The following PSMD1 variants were observed in gnomAD, a reference collection of about 807,000 sequenced individuals.
PSMD1 encodes the protein 26S proteasome non-ATPase regulatory subunit 1.
Under a neutral mutation model 119.0 loss-of-function variants are expected in PSMD1, and 18 were observed. The ratio of observed to expected loss-of-function variants is 0.15; its 90% CI spans 0.10 to 0.22. The LOEUF is 0.22. Ranked by LOEUF, PSMD1 falls within the 10% of genes least tolerant of loss-of-function variation. The pLI, the probability that PSMD1 is intolerant of heterozygous loss-of-function variation, is 1.00. For missense variants in PSMD1, 702 were observed against 1,158.5 expected (o/e 0.61, Z 5.72); for synonymous variants, 374 against 396.6 (o/e 0.94, Z 0.68).
At chr2:231,115,636 A>T (rs1695304360) in intron 16 of PSMD1, among the ~76,000 whole-genome samples, 1 of 152,140 alleles carries the variant, frequency 6.6e-6, no homozygotes, top group Non-Finnish European at 1.5e-5. Context: ...AGATTTATTG[A>T]GCTGGAAGGA....
chr2:231,062,104 G>A lies in PSMD1; in HGVS notation c.61-144G>A, dbSNP rs540539605. Reference sequence around the variant, plus strand: ...TGTGTAAACTCAAGAAAAAGTGTAAGTTGGTAAATTTTTATATTTGTCATA... The same window carrying A: ...TGTGTAAACTCAAGAAAAAGTGTAAATTGGTAAATTTTTATATTTGTCATA... On this transcript the variant is annotated intron_variant, in intron 2 of 24. Transcript: ENST00000308696. 59 of 577,692 alleles carry A rather than the reference G, an allele frequency of 1.0e-4. 1 individual carries two copies. Among genetic ancestry groups the A allele is most frequent in the African/African-American group, 9.4e-4 (50 of 53,458 alleles). 35.8% of individuals were successfully genotyped at this position (577,692 alleles called of 1,614,324 possible).
At chr2:231,079,327 T>C (rs1694251688) in intron 10 of PSMD1, among the ~76,000 whole-genome samples, 1 of 152,200 alleles carries the variant, frequency 6.6e-6, no homozygotes, top group South Asian at 2.1e-4. Flanking sequence ...TTTTTATTTA[T>C]AGTAGAATTA....
At chr2:231,151,696 C>T (rs1696378799) in intron 18 of PSMD1, among the ~76,000 whole-genome samples, 1 of 150,326 alleles carries the variant, frequency 6.7e-6, no homozygotes, top group Admixed American at 6.6e-5. Context: ...GCCTTTAGCA[C>T]ATAAAATTTC....
intron 18 of PSMD1, among the ~76,000 whole-genome samples, chr2:231,150,979 A>G (rs569822935): frequency 1.1e-4 from 16 of 152,294 alleles, no homozygotes; most frequent in African/African-American, 3.8e-4. Flanking sequence ...TTCCAGCAGT[A>G]TAGGGTATAC....
chr2:231,102,602 A>G (rs1027412926), intron 16 of PSMD1, among the ~76,000 whole-genome samples: 3 of 152,208 alleles, frequency 2.0e-5, no homozygotes, highest in African/African-American at 7.2e-5. Flanking sequence ...ACTCGTCTTC[A>G]CTATGAAGTG....
Position 231,070,007 on chromosome 2 carries a change from TTAAAC to T in PSMD1, c.511-15_511-11del. ...GCAATAACCAGATAACGTTATATCTTTAAACTATCTCTTTCAGAATGATGTCCCAG... is the reference window on the plus strand; with the variant it reads ...GCAATAACCAGATAACGTTATATCTTTATCTCTTTCAGAATGATGTCCCAG... On this transcript the variant is annotated splice_polypyrimidine_tract_variant and intron_variant, in intron 5 of 24. Coordinates refer to ENST00000308696, the MANE Select transcript of PSMD1 (RefSeq NM_002807.4). 1 of 1,397,082 alleles carries T rather than the reference TTAAAC, an allele frequency of 7.2e-7. No individual in the cohort carries two copies. The highest frequency in any genetic ancestry group is 9.4e-7 in the Non-Finnish European group (1 of 1,061,052). 86.5% of individuals were successfully genotyped at this position (1,397,082 alleles called of 1,614,324 possible). A position where few individuals can be genotyped will look rare whatever the true frequency, so the allele number is the denominator to read the frequency against.
intron 19 of PSMD1, among the ~76,000 whole-genome samples, chr2:231,158,624 G>A (rs1416824810): frequency 6.6e-6 from 1 of 152,176 alleles, no homozygotes; most frequent in African/African-American, 2.4e-5. Context: ...CGTTAGCTAG[G>A]CATCGTTTTC....
At chr2:231,108,520 T>A in intron 16 of PSMD1, 1 of 1,611,260 alleles carries the variant, frequency 6.2e-7, no homozygotes, top group Non-Finnish European at 8.5e-7. Flanking sequence ...AGTTCTGCTA[T>A]ACATAACTAA....
rs1404778707 is a variant in PSMD1 at position 231,077,051 on chromosome 2, C to G, written c.960C>G (p.Asp320Glu). ...TTTGGCAGAGTCCAGAGCCTAAGGA[C>G]CAGACTTTGAAAATGATTAAAATTT... Reference protein sequence around the residue: ...KTPEASPEPKDQTLKMIKILS... With the variant: ...KTPEASPEPKEQTLKMIKILS... Residue 320 changes from aspartate (D) to glutamate (E), a missense_variant, in exon 9 of 25, where the codon GAC becomes GAG. Around this residue, in one of 9 missense-constraint regions of PSMD1, gnomAD observed 69 missense variants for 71.6 expected, o/e 0.96. Transcript: ENST00000308696. The G allele has an allele frequency of 6.2e-7, 1 of 1,602,324 alleles. No homozygotes were observed. Among genetic ancestry groups the G allele is most frequent in the Admixed American group, 1.7e-5 (1 of 57,526 alleles).
At chr2:231,091,670 AG>A (rs1559226521) in intron 16 of PSMD1, among the ~76,000 whole-genome samples, 1 of 152,170 alleles carries the variant, frequency 6.6e-6, no homozygotes, top group African/African-American at 2.4e-5. Flanking sequence ...GGGTCTATCC[AG>A]GAGAGATGTT....
rs1310474518 is a variant in PSMD1, at chr2:231,131,778, A to G, written c.1884-6958A>G. 3.0e-4 allele frequency among the ~76,000 whole-genome samples: 14 copies of G among 45,980 alleles called. 4 individuals carry two copies. The highest frequency in any genetic ancestry group is 1.2e-3 in the African/African-American group (2 of 1,602). 30.2% of individuals were successfully genotyped at this position (45,980 alleles called of 152,430 possible). A position where few individuals can be genotyped will look rare whatever the true frequency, so the allele number is the denominator to read the frequency against. On this transcript the variant is annotated intron_variant, in intron 16 of 24. Coordinates refer to ENST00000308696, the MANE Select transcript of PSMD1 (RefSeq NM_002807.4). ...CTCCGTCTCAAAAAAAAAAAAAAAA[A>G]AAAAAAAAAGAAAGTTTTTTTGCCC...
At chr2:231,153,490 A>G (rs1201850774) in intron 18 of PSMD1, 74 bp from the exon 19 acceptor site, 5 of 1,041,356 alleles carry the variant, frequency 4.8e-6, no homozygotes, top group Non-Finnish European at 7.5e-6. Flanking sequence ...CATTGGAGCA[A>G]TATTATTCCC....
rs754110223 is a variant in PSMD1 at position 231,082,894 on chromosome 2, C to T, written c.1425C>T (p.His475=). 8 of 1,613,240 alleles carry T rather than the reference C, an allele frequency of 5.0e-6. No individual in the cohort carries two copies. Among genetic ancestry groups the T allele is most frequent in the East Asian group, 4.5e-5 (2 of 44,882 alleles). Residue 475 remains histidine (H), a synonymous_variant, in exon 13 of 25, where the codon CAC becomes CAT. Transcript: ENST00000308696. ...TGTTTTTTCCTTAGATCGTTAGACACGGTGGCAGTCTGGGCCTTGGTTTGG... is the reference window on the plus strand; with the variant it reads ...TGTTTTTTCCTTAGATCGTTAGACATGGTGGCAGTCTGGGCCTTGGTTTGG... ...LKNASNDIVR[H]GGSLGLGLAA... is the part of the protein sequence containing the mutation.
At position 231,141,397 on chromosome 2, in the gene PSMD1, A is replaced by C. The variant is rs550963351; in HGVS notation, c.1998+2547A>C. Among the ~76,000 whole-genome samples, 23 of 143,996 alleles carry C rather than the reference A, an allele frequency of 1.6e-4. No homozygotes were observed. In the South Asian group the frequency reaches 5.1e-3, roughly 32 times the overall value. The allele number at this position is 143,996 out of a possible 152,430, so 94.5% of individuals were successfully genotyped here. ...TCCCTCCTTTCCAGTATTTCATCCT[A>C]TTCTGTCTGCTTACCCTGCTATACT... On this transcript the variant is annotated intron_variant, in intron 17 of 24. Coordinates refer to ENST00000308696, the MANE Select transcript of PSMD1 (RefSeq NM_002807.4).
intron 18 of PSMD1, among the ~76,000 whole-genome samples, chr2:231,150,817 C>CTGA (rs1696361641): frequency 6.6e-6 from 1 of 151,960 alleles, no homozygotes; most frequent in Non-Finnish European, 1.5e-5. Flanking sequence ...AAAAAAACAC[C>CTGA]TCCAAAACTG....
At chr2:231,108,455 C>A in intron 16 of PSMD1, 1 of 1,199,262 alleles carries the variant, frequency 8.3e-7, no homozygotes, top group Non-Finnish European at 1.2e-6. Context: ...ATATTCTTGG[C>A]ACATTTACAT....
chr2:231,102,256 T>A (rs1694886675), intron 16 of PSMD1, among the ~76,000 whole-genome samples: 1 of 152,230 alleles, frequency 6.6e-6, no homozygotes, highest in South Asian at 2.1e-4. Context: ...ACTTTACTGC[T>A]ATACTCTCTT....
At chr2:231,103,818 ATAAAAT>A (rs1248945028) in intron 16 of PSMD1, among the ~76,000 whole-genome samples, 1 of 152,192 alleles carries the variant, frequency 6.6e-6, no homozygotes, top group African/African-American at 2.4e-5. Context: ...TGGAAGCAAA[ATAAAAT>A]TTAATTACTT....
At chr2:231,137,637 A>G (rs1277011155) in intron 16 of PSMD1, among the ~76,000 whole-genome samples, 2 of 152,058 alleles carry the variant, frequency 1.3e-5, no homozygotes, top group Admixed American at 6.6e-5. Context: ...GGGACGGTAG[A>G]TCCCGTCACC....
Sources: gnomAD v4.1 joint callset for allele counts (sites outside exome capture counted in the v4.1 genomes callset) on GRCh38, gnomAD v4.1.1 for gene constraint, gnomAD v4.1.1 regional missense constraint, MANE v1.5 for transcripts, NCBI Gene and HGNC (gene_info 2026-07-23, HGNC 2026-07-21) for gene names.